PIP5K1C: variants seen among roughly 807,000 people sequenced by gnomAD.
The protein encoded by PIP5K1C is phosphatidylinositol-4-phosphate 5-kinase type 1 gamma, also known as phosphatidylinositol 4-phosphate 5-kinase type-1 gamma.
A neutral mutation model predicts 80.1 loss-of-function variants in PIP5K1C; 45 were observed. The ratio of observed to expected loss-of-function variants is 0.56; its 90% CI spans 0.44 to 0.72. The LOEUF is 0.72. Ranked by LOEUF, PIP5K1C falls within the 30% of genes least tolerant of loss-of-function variation. The pLI, the probability that PIP5K1C is intolerant of heterozygous loss-of-function variation, is 0.00. For synonymous variants in PIP5K1C, 498 were observed against 420.1 expected (o/e 1.19, Z -2.27); for missense variants, 753 against 954.6 (o/e 0.79, Z 2.78).
intron 2 of PIP5K1C, among the ~76,000 whole-genome samples, chr19:3,666,176 G>A (rs1444510372): frequency 6.6e-6 from 1 of 152,240 alleles, no homozygotes; most frequent in Admixed American, 6.5e-5. Flanking sequence ...CTCTGGCTAC[G>A]GACGCAGGGC....
At chr19:3,651,543 C>T (rs2034450017) in intron 8 of PIP5K1C, among the ~76,000 whole-genome samples, 1 of 152,256 alleles carries the variant, frequency 6.6e-6, no homozygotes, top group Non-Finnish European at 1.5e-5. Flanking sequence ...CTATCTCTCT[C>T]TCATTCCTGT....
At chr19:3,678,586 A>AGG (rs1568350686) in intron 1 of PIP5K1C, among the ~76,000 whole-genome samples, 31 of 35,932 alleles carry the variant, frequency 8.6e-4, no homozygotes, top group Non-Finnish European at 1.6e-3. Context: ...ATGGAGGGAT[A>AGG]AAGGGATGGA....
chr19:3,685,506 G>A lies in PIP5K1C; in HGVS notation c.94+14791C>T, dbSNP rs553415737. 9.9e-5 allele frequency among the ~76,000 whole-genome samples: 15 copies of A among 151,980 alleles called. 1 individual carries two copies. The highest frequency in any genetic ancestry group is 6.8e-3 in the Middle Eastern group (2 of 294). ...AGCACTTTGGGAGGCCGAGGCGGGCGGATCACGAGGTCAGGAGATCGAGAC... is the reference window on the plus strand; with the variant it reads ...AGCACTTTGGGAGGCCGAGGCGGGCAGATCACGAGGTCAGGAGATCGAGAC... On this transcript the variant is annotated intron_variant, in intron 1 of 17. Transcript: ENST00000335312.
intron 1 of PIP5K1C, among the ~76,000 whole-genome samples, chr19:3,683,998 C>A (rs2035675424): frequency 6.6e-6 from 1 of 151,360 alleles, no homozygotes; most frequent in African/African-American, 2.4e-5. Context: ...GGAGCCCCCA[C>A]CACCCCGACC....
intron 1 of PIP5K1C, among the ~76,000 whole-genome samples, chr19:3,683,880 A>T (rs1600078594): frequency 8.0e-6 from 1 of 125,726 alleles, no homozygotes; most frequent in African/African-American, 3.0e-5. Flanking sequence ...GCAGTCCCAC[A>T]CCTCCCCCAC....
Position 3,633,130 on chromosome 19 carries a change from A to C in PIP5K1C, c.*37T>G, listed in dbSNP as rs995090120. ...CGCCTTCGGGGGCAGCCGGAGCAGA[A>C]GTGGAGCTCGGCTCTGGGTCGGGGG... On this transcript the variant is annotated 3_prime_UTR_variant, in exon 18 of 18. Coordinates refer to ENST00000335312, the MANE Select transcript of PIP5K1C (RefSeq NM_012398.3). The C allele has an allele frequency of 6.7e-6, 5 of 748,832 alleles. No homozygotes were observed. The highest frequency in any genetic ancestry group is 1.7e-5 in the African/African-American group (1 of 58,568). 46.4% of individuals were successfully genotyped at this position (748,832 alleles called of 1,614,324 possible).
intron 16 of PIP5K1C, among the ~76,000 whole-genome samples, chr19:3,634,526 G>A (rs572493737): frequency 5.9e-5 from 9 of 152,278 alleles, no homozygotes; most frequent in South Asian, 2.1e-4. Flanking sequence ...TCCACCTGGC[G>A]GCCCTCGGCC....
intron 6 of PIP5K1C, 120 bp from the exon 7 acceptor site, chr19:3,653,709 C>T (rs999256791): frequency 1.1e-5 from 10 of 950,836 alleles, no homozygotes; most frequent in Middle Eastern, 6.7e-4. Flanking sequence ...CCCTCTCTCC[C>T]CAGAAGCCCT....
chr19:3,653,905 G>A (rs555489245), intron 6 of PIP5K1C, among the ~76,000 whole-genome samples: 13 of 152,328 alleles, frequency 8.5e-5, no homozygotes, highest in Admixed American at 3.3e-4. Flanking sequence ...GGCTGGGCTC[G>A]CCTGTTGGGA....
intron 1 of PIP5K1C, among the ~76,000 whole-genome samples, chr19:3,675,515 G>A (rs576544301): frequency 3.3e-5 from 5 of 152,330 alleles, no homozygotes; most frequent in South Asian, 4.1e-4. Flanking sequence ...CAAGGCTTTT[G>A]TGAAACGCAG....
In PIP5K1C at chr19:3,632,123, C is replaced by T. The variant is rs1022553595; in HGVS notation, c.*1044G>A. The T allele has an allele frequency of 6.6e-6, 1 of 152,332 alleles. No homozygotes were observed. The highest frequency in any genetic ancestry group is 1.5e-5 in the Non-Finnish European group (1 of 68,088). The allele number at this position is 152,332 out of a possible 1,614,324, so 9.4% of individuals were successfully genotyped here. A position where few individuals can be genotyped will look rare whatever the true frequency, so the allele number is the denominator to read the frequency against. On this transcript the variant is annotated 3_prime_UTR_variant, in exon 18 of 18. Transcript: ENST00000335312. Reference sequence around the variant, plus strand: ...ATGAGTCGGAAACAAAGTCTTCTCTCCCCTCCTCGGAGACATCACATCACT... The same window carrying T: ...ATGAGTCGGAAACAAAGTCTTCTCTTCCCTCCTCGGAGACATCACATCACT...
At position 3,653,277 on chromosome 19, in the gene PIP5K1C, G is replaced by GCCGAGC. The variant is rs2034514198; in HGVS notation, c.921+7_921+12dup. 3.1e-6 allele frequency: 5 copies of GCCGAGC among 1,602,342 alleles called. No individual in the cohort carries two copies. The highest frequency in any genetic ancestry group is 4.2e-6 in the Non-Finnish European group (5 of 1,179,402). ...CTGCCACCCTCCCTCCCCGGCCGGG[G>GCCGAGC]CCGAGCCCTCACCAGGCAGTCCCGC... On this transcript the variant is annotated intron_variant, in intron 7 of 17. Transcript: ENST00000335312.
rs2034063115 is a variant in PIP5K1C, at chr19:3,643,351, G to C, written c.1541C>G (p.Pro514Arg). ...GGCTGTAGTGGCTTCTTCGAAAGAA[G>C]GTGGCGTGCAGGGCAGGAGGTCGGG... Reference protein sequence around the residue: ...GRPDLLPCTPPSFEEATTASI... With the variant: ...GRPDLLPCTPRSFEEATTASI... Residue 514 changes from proline (P) to arginine (R), a missense_variant, in exon 13 of 18, where the codon CCT (proline) becomes CGT (arginine). Physicochemically the swap from Pro to Arg is moderately radical, Grantham distance 103. Around this residue, in one of 6 missense-constraint regions of PIP5K1C, gnomAD observed 315 missense variants for 294.5 expected, o/e 1.07. Transcript: ENST00000335312. The C allele has an allele frequency of 3.7e-6, 6 of 1,613,718 alleles. No individual in the cohort carries two copies. The highest frequency in any genetic ancestry group is 5.1e-6 in the Non-Finnish European group (6 of 1,179,962).
intron 8 of PIP5K1C, among the ~76,000 whole-genome samples, chr19:3,650,778 CAG>C (rs1364867070): frequency 6.6e-6 from 1 of 152,148 alleles, no homozygotes; most frequent in Non-Finnish European, 1.5e-5. Flanking sequence ...TCTTTTTGGA[CAG>C]AGTTTAGCTC....
chr19:3,663,176 A>ATTTTTT (rs200376758), intron 3 of PIP5K1C, among the ~76,000 whole-genome samples: 2 of 151,872 alleles, frequency 1.3e-5, no homozygotes, highest in African/African-American at 4.8e-5. Flanking sequence ...GGCTGCTGTT[A>ATTTTTT]TTTTTGCCAT....
chr19:3,695,086 C>A (rs1369434298), intron 1 of PIP5K1C, among the ~76,000 whole-genome samples: 2 of 152,240 alleles, frequency 1.3e-5, no homozygotes, highest in Non-Finnish European at 2.9e-5. Context: ...CGGGTGGGGT[C>A]TCACGTGGCC....
chr19:3,699,162 C>T (rs2036216094), intron 1 of PIP5K1C, among the ~76,000 whole-genome samples: 1 of 151,954 alleles, frequency 6.6e-6, no homozygotes, highest in South Asian at 2.1e-4. Flanking sequence ...CGGGCTGGGG[C>T]CTGGTGCCCT....
chr19:3,630,192 CCCGA>C lies in PIP5K1C; in HGVS notation c.*2971_*2974del, dbSNP rs2033431991. 1 of 152,432 alleles carries C rather than the reference CCCGA, an allele frequency of 6.6e-6. No individual in the cohort carries two copies. The highest frequency in any genetic ancestry group is 2.4e-5 in the African/African-American group (1 of 41,452). 9.4% of individuals were successfully genotyped at this position (152,432 alleles called of 1,614,324 possible). On this transcript the variant is annotated 3_prime_UTR_variant, in exon 18 of 18. Coordinates refer to ENST00000335312, the MANE Select transcript of PIP5K1C (RefSeq NM_012398.3). ...AAGGCAAACAGGCGGATGCTTATTACCCGATTTATTAGAGAGATCTCTAAAAAGA... is the reference window on the plus strand; with the variant it reads ...AAGGCAAACAGGCGGATGCTTATTACTTTATTAGAGAGATCTCTAAAAAGA...
At chr19:3,686,509 G>A (rs1027174066) in intron 1 of PIP5K1C, among the ~76,000 whole-genome samples, 4 of 150,686 alleles carry the variant, frequency 2.7e-5, no homozygotes, top group East Asian at 2.0e-4. Flanking sequence ...ACCTGAGGTC[G>A]GGAGTTTGAG....
Sources: gnomAD v4.1 joint callset for allele counts (sites outside exome capture counted in the v4.1 genomes callset) on GRCh38, gnomAD v4.1.1 for gene constraint, gnomAD v4.1.1 regional missense constraint, MANE v1.5 for transcripts, NCBI Gene and HGNC (gene_info 2026-07-23, HGNC 2026-07-21) for gene names.